Variants in CDKAL1 observed in about 807,000 individuals in gnomAD.
CDKAL1 encodes the protein threonylcarbamoyladenosine tRNA methylthiotransferase.
In CDKAL1, 32 loss-of-function variants were observed where a neutral mutation model predicts 68.2. The observed-to-expected ratio is 0.47, with a 90% CI of 0.35 to 0.63. The LOEUF is 0.63. Ranked by LOEUF, CDKAL1 falls within the 30% of genes least tolerant of loss-of-function variation. The pLI, the probability that CDKAL1 is intolerant of heterozygous loss-of-function variation, is 0.00. For missense variants in CDKAL1, 606 were observed against 696.7 expected (o/e 0.87, Z 1.47); for synonymous variants, 234 against 244.3 (o/e 0.96, Z 0.39).
intron 9 of CDKAL1, among the ~76,000 whole-genome samples, chr6:20,906,470 T>C (rs1762234926): frequency 6.6e-6 from 1 of 152,164 alleles, no homozygotes; most frequent in Non-Finnish European, 1.5e-5. Context: ...CCTCAACTTA[T>C]GATGGGGCTA....
chr6:20,922,448 GGA>G (rs1763000903), intron 9 of CDKAL1, among the ~76,000 whole-genome samples: 1 of 152,002 alleles, frequency 6.6e-6, no homozygotes, highest in Admixed American at 6.6e-5. Context: ...CATAAAGAGG[GGA>G]CAGTATCTAA....
intron 4 of CDKAL1, among the ~76,000 whole-genome samples, chr6:20,594,332 A>G (rs1231649491): frequency 6.6e-6 from 1 of 152,214 alleles, no homozygotes; most frequent in Non-Finnish European, 1.5e-5. Context: ...TAGGTCTCTA[A>G]GAACTTGTTC....
At position 20,846,157 on chromosome 6, in the gene CDKAL1, A is replaced by G; in HGVS notation, c.721A>G (p.Arg241Gly). 1 of 1,607,408 alleles carries G rather than the reference A, an allele frequency of 6.2e-7. No individual in the cohort carries two copies. The highest frequency in any genetic ancestry group is 1.1e-5 in the South Asian group (1 of 90,356). Reference protein sequence around the residue: ...ASYPIDELVDRAKQSFQEGVC... With the variant: ...ASYPIDELVDGAKQSFQEGVC... ...TTATCCAATTGATGAACTAGTAGAT[A>G]GAGCCAAACAATCTTTTCAAGGTAA... The change falls in exon 9 of 16, where the codon AGA becomes GGA. Residue 241 changes from arginine (R) to glycine (G), a missense_variant. Transcript: ENST00000274695.
In CDKAL1 at chr6:20,680,499, A is replaced by G. The variant is rs560092604; in HGVS notation, c.371+31122A>G. On this transcript the variant is annotated intron_variant, in intron 5 of 15. Transcript: ENST00000274695. Reference sequence around the variant, plus strand: ...AAAACTAAAGAAGAATTTCCTGACAATAAAGCGCTGTTAGCAATGTTTGAT... The same window carrying G: ...AAAACTAAAGAAGAATTTCCTGACAGTAAAGCGCTGTTAGCAATGTTTGAT... Among the ~76,000 whole-genome samples, 6 of 152,366 alleles carry G rather than the reference A, an allele frequency of 3.9e-5. No homozygotes were observed. In the South Asian group the frequency reaches 1.2e-3, roughly 32 times the overall value.
At chr6:21,169,864 G>T (rs1046741300) in intron 13 of CDKAL1, among the ~76,000 whole-genome samples, 35 of 151,824 alleles carry the variant, frequency 2.3e-4, no homozygotes. Context: ...ACTCCCTTTT[G>T]TAAAGCGGTC....
chr6:20,611,647 T>C (rs1380656231), intron 4 of CDKAL1, among the ~76,000 whole-genome samples: 1 of 152,164 alleles, frequency 6.6e-6, no homozygotes, highest in East Asian at 1.9e-4. Context: ...TATTTGTGGG[T>C]ACGTGTAATA....
At chr6:20,632,591 T>G (rs1767722385) in intron 4 of CDKAL1, among the ~76,000 whole-genome samples, 1 of 152,188 alleles carries the variant, frequency 6.6e-6, no homozygotes, top group Non-Finnish European at 1.5e-5. Context: ...GTGTTAATTT[T>G]TGATTGCTGA....
intron 5 of CDKAL1, among the ~76,000 whole-genome samples, chr6:20,697,867 A>G (rs979461599): frequency 6.6e-6 from 1 of 152,164 alleles, no homozygotes; most frequent in Non-Finnish European, 1.5e-5. Context: ...TGGGTTTCTG[A>G]TGAGAGTGTC....
chr6:21,120,946 A>T (rs1774680074), intron 13 of CDKAL1, among the ~76,000 whole-genome samples: 1 of 152,194 alleles, frequency 6.6e-6, no homozygotes, highest in Non-Finnish European at 1.5e-5. Flanking sequence ...TTATCAATGT[A>T]TAACTGTCAC....
At chr6:20,810,403 C>T (rs1158641359) in intron 8 of CDKAL1, among the ~76,000 whole-genome samples, 1 of 31,558 alleles carries the variant, frequency 3.2e-5, no homozygotes, top group East Asian at 1.1e-3. Flanking sequence ...CACACACACA[C>T]ACACACACAC....
At chr6:21,051,552 G>T (rs1330240197) in intron 11 of CDKAL1, among the ~76,000 whole-genome samples, 1 of 151,962 alleles carries the variant, frequency 6.6e-6, no homozygotes, top group Non-Finnish European at 1.5e-5. Flanking sequence ...GTGATCATGG[G>T]CAATTTACTG....
intron 4 of CDKAL1, among the ~76,000 whole-genome samples, chr6:20,586,978 G>T (rs1447096965): frequency 3.4e-4 from 15 of 44,458 alleles, no homozygotes; most frequent in East Asian, 8.1e-4. Flanking sequence ...TCCTCCAGGT[G>T]TTTTTTTTTT....
chr6:20,913,354 G>A lies in CDKAL1; in HGVS notation c.743-42065G>A, dbSNP rs548887883. Among the ~76,000 whole-genome samples, 7 of 152,232 alleles carry A rather than the reference G, an allele frequency of 4.6e-5. No individual in the cohort carries two copies. The South Asian group carries it at 1.5e-3, about 32-fold the overall frequency. Reference sequence around the variant, plus strand: ...TTGTTGGTAGGATTCAGCTCCTTGTGAACTGTAGGGTTGAGGGCTTCAGCT... The same window carrying A: ...TTGTTGGTAGGATTCAGCTCCTTGTAAACTGTAGGGTTGAGGGCTTCAGCT... On this transcript the variant is annotated intron_variant, in intron 9 of 15. Transcript: ENST00000274695.
chr6:21,164,119 C>T (rs1423516989), intron 13 of CDKAL1, among the ~76,000 whole-genome samples: 1 of 151,696 alleles, frequency 6.6e-6, no homozygotes, highest in East Asian at 1.9e-4. Context: ...CACCAAACTG[C>T]AGAAGAGATA....
At chr6:20,568,591 C>T (rs1463631625) in intron 4 of CDKAL1, among the ~76,000 whole-genome samples, 2 of 151,764 alleles carry the variant, frequency 1.3e-5, no homozygotes, top group African/African-American at 2.4e-5. Flanking sequence ...AAAAATTAGC[C>T]GGGCGTGGTG....
intron 4 of CDKAL1, among the ~76,000 whole-genome samples, chr6:20,567,404 T>C (rs1328226849): frequency 6.6e-6 from 1 of 152,118 alleles, no homozygotes; most frequent in Non-Finnish European, 1.5e-5. Flanking sequence ...TGTAAATGTT[T>C]TGAGTCCCTG....
chr6:20,901,973 G>A (rs1387989162), intron 9 of CDKAL1, among the ~76,000 whole-genome samples: 6 of 151,778 alleles, frequency 4.0e-5, no homozygotes, highest in East Asian at 2.0e-4. Flanking sequence ...ATGGGGTTTC[G>A]CCATGTTGGC....
At chr6:20,867,725 C>T (rs944513910) in intron 9 of CDKAL1, among the ~76,000 whole-genome samples, 6 of 152,136 alleles carry the variant, frequency 3.9e-5, no homozygotes, top group Non-Finnish European at 8.8e-5. Context: ...TGGTCCTAAC[C>T]TGTTTCTCTG....
intron 4 of CDKAL1, among the ~76,000 whole-genome samples, chr6:20,642,850 CTG>C (rs1340614507): frequency 6.6e-6 from 1 of 152,000 alleles, no homozygotes; most frequent in Non-Finnish European, 1.5e-5. Flanking sequence ...TAAAGAAAGA[CTG>C]TATGCCACTG....
Sources: allele counts gnomAD v4.1 joint callset (sites outside exome capture counted in the v4.1 genomes callset), GRCh38; gene constraint gnomAD v4.1.1; transcripts MANE v1.5; gene names NCBI Gene and HGNC (gene_info 2026-07-23, HGNC 2026-07-21).